Variants in SOX5 observed in about 807,000 individuals in gnomAD.
The protein encoded by SOX5 is transcription factor SOX-5.
Under a neutral mutation model 92.0 loss-of-function variants are expected in SOX5, and 9 were observed. The ratio of observed to expected loss-of-function variants is 0.10; its 90% CI spans 0.06 to 0.17. The LOEUF (loss-of-function observed/expected upper bound fraction) is 0.17, where lower values mean the gene tolerates loss of function less well. SOX5 is among the 10% of genes least tolerant of loss of function. The pLI, the probability that SOX5 is intolerant of heterozygous loss-of-function variation, is 1.00. For synonymous variants in SOX5, 344 were observed against 336.3 expected (o/e 1.02, Z -0.25); for missense variants, 642 against 944.5 (o/e 0.68, Z 4.20).
chr12:23,580,594 A>T (rs1001455659), intron 9 of SOX5, among the ~76,000 whole-genome samples: 2 of 152,074 alleles, frequency 1.3e-5, no homozygotes, highest in African/African-American at 4.8e-5. Flanking sequence ...TTATATAATC[A>T]AATACAAGTC....
chr12:23,583,449 A>G (rs576714089), intron 9 of SOX5, among the ~76,000 whole-genome samples: 8 of 152,268 alleles, frequency 5.3e-5, no homozygotes, highest in African/African-American at 1.9e-4. Context: ...ACTCGTGTCA[A>G]CAATAATGTG....
intron 2 of SOX5, among the ~76,000 whole-genome samples, chr12:24,307,504 A>G (rs139394705): frequency 0.014 from 520 of 35,950 alleles, 47 homozygotes; most frequent in South Asian, 0.046. Context: ...GAAGGAAGGA[A>G]GGAAGGAAGG....
At chr12:24,066,535 T>C (rs1940779927) in intron 4 of SOX5, among the ~76,000 whole-genome samples, 1 of 152,034 alleles carries the variant, frequency 6.6e-6, no homozygotes, top group Non-Finnish European at 1.5e-5. Flanking sequence ...ATGTGAAAAA[T>C]TGATATTGTT....
At chr12:23,864,172 T>C (rs1385700628) in intron 2 of SOX5, among the ~76,000 whole-genome samples, 1 of 152,140 alleles carries the variant, frequency 6.6e-6, no homozygotes, top group Non-Finnish European at 1.5e-5. Context: ...TGTAATTGTT[T>C]TGGAGCACCA....
At chr12:24,008,488 G>C (rs1177470496) in intron 4 of SOX5, among the ~76,000 whole-genome samples, 1 of 151,972 alleles carries the variant, frequency 6.6e-6, no homozygotes, top group African/African-American at 2.4e-5. Flanking sequence ...TCCTAGTACA[G>C]AGCTTGGATT....
chr12:23,781,221 T>A (rs1489921831), intron 3 of SOX5, among the ~76,000 whole-genome samples: 1 of 151,974 alleles, frequency 6.6e-6, no homozygotes, highest in Non-Finnish European at 1.5e-5. Context: ...TTCCTTTCTT[T>A]CATGCTTTTA....
At chr12:24,436,918 C>A (rs760021134) in intron 1 of SOX5, among the ~76,000 whole-genome samples, 1 of 152,204 alleles carries the variant, frequency 6.6e-6, no homozygotes, top group Middle Eastern at 3.4e-3. Flanking sequence ...TCTACTCTGC[C>A]GGAGCAGTAA....
At chr12:24,051,526 G>T (rs552065178) in intron 4 of SOX5, among the ~76,000 whole-genome samples, 1 of 152,068 alleles carries the variant, frequency 6.6e-6, no homozygotes, top group Non-Finnish European at 1.5e-5. Flanking sequence ...TTCCAAGAAC[G>T]AAGAGCTAGT....
intron 1 of SOX5, among the ~76,000 whole-genome samples, chr12:23,896,403 G>A (rs1296071548): frequency 6.6e-6 from 1 of 152,062 alleles, no homozygotes; most frequent in East Asian, 1.9e-4. Context: ...AGCAAATACT[G>A]TTGGCAGTTT....
chr12:24,224,307 G>A (rs879304676), intron 3 of SOX5, among the ~76,000 whole-genome samples: 1 of 151,622 alleles, frequency 6.6e-6, no homozygotes, highest in Non-Finnish European at 1.5e-5. Flanking sequence ...CATTTAGAAT[G>A]TTTCGGAAGC....
chr12:24,501,863 A>T (rs1948240720), intron 1 of SOX5, among the ~76,000 whole-genome samples: 1 of 152,216 alleles, frequency 6.6e-6, no homozygotes, highest in African/African-American at 2.4e-5. Context: ...CCTCACTGAC[A>T]CTGTATAATT....
chr12:23,904,562 C>A (rs2097271206), intron 1 of SOX5, among the ~76,000 whole-genome samples: 2 of 152,116 alleles, frequency 1.3e-5, no homozygotes, highest in South Asian at 4.2e-4. Context: ...TACTTTTGAG[C>A]TATATTTACT....
At chr12:23,876,576 C>T (rs530706538) in intron 2 of SOX5, among the ~76,000 whole-genome samples, 9 of 152,208 alleles carry the variant, frequency 5.9e-5, no homozygotes, top group African/African-American at 1.4e-4. Flanking sequence ...GTGGCGATTC[C>T]TCAAGGATCT....
intron 3 of SOX5, among the ~76,000 whole-genome samples, chr12:23,784,306 A>T (rs766801244): frequency 1.6e-4 from 24 of 151,950 alleles, no homozygotes; most frequent in Admixed American, 3.3e-4. Flanking sequence ...TTCTTTGATT[A>T]TTTTTATTTT....
rs1457276389 is a variant in SOX5, at chr12:23,959,990, T to A, written c.-1-63966A>T. Among the ~76,000 whole-genome samples, 4 of 152,208 alleles carry A rather than the reference T, an allele frequency of 2.6e-5. No homozygotes were observed. In the South Asian group the frequency reaches 8.3e-4, roughly 31 times the overall value. ...ACACCTATTGACTTTATCTCAGACA[T>A]AGCACTTGCTTTAGTCAATGCAGTA... is the stretch of plus-strand genomic sequence containing the variant. On this transcript the variant is annotated intron_variant, in intron 4 of 4. Coordinates refer to the SOX5 transcript ENST00000446891.
intron 1 of SOX5, among the ~76,000 whole-genome samples, chr12:24,520,931 T>C (rs960163666): frequency 1.3e-5 from 2 of 151,972 alleles, no homozygotes; most frequent in African/African-American, 4.8e-5. Context: ...GACAAAAAGG[T>C]CAATTCAACA....
intron 2 of SOX5, among the ~76,000 whole-genome samples, chr12:24,341,731 G>A (rs560763642): frequency 1.3e-5 from 2 of 152,294 alleles, no homozygotes; most frequent in African/African-American, 2.4e-5. Context: ...TGGGATGAGA[G>A]AGAAGGCTTC....
chr12:24,330,098 C>A (rs755948660), intron 2 of SOX5, among the ~76,000 whole-genome samples: 1 of 152,022 alleles, frequency 6.6e-6, no homozygotes, highest in Non-Finnish European at 1.5e-5. Context: ...GAATATATAA[C>A]TCCCAAACCA....
In SOX5 at chr12:23,795,528, A is replaced by G. The variant is rs140290529; in HGVS notation, c.482-39804T>C. On this transcript the variant is annotated intron_variant, in intron 3 of 14. Coordinates refer to ENST00000451604, the MANE Select transcript of SOX5 (RefSeq NM_006940.6). ...TTGCCTTGTGGCTAAATTGAGCATC[A>G]GATCGAGCCAAATGTGAGGGTGGTT... is the stretch of plus-strand genomic sequence containing the variant. Among the ~76,000 whole-genome samples the G allele has an allele frequency of 3.9e-4, 59 of 152,242 alleles. 2 individuals carry two copies. In the East Asian group the frequency reaches 0.01, roughly 27 times the overall value.
Sources: gnomAD v4.1 joint callset for allele counts (sites outside exome capture counted in the v4.1 genomes callset) on GRCh38, gnomAD v4.1.1 for gene constraint, MANE v1.5 for transcripts, NCBI Gene and HGNC (gene_info 2026-07-23, HGNC 2026-07-21) for gene names.